DGLUCY: variants seen among roughly 807,000 people sequenced by gnomAD.
DGLUCY encodes the protein D-glutamate cyclase, also known as D-glutamate cyclase, mitochondrial.
DGLUCY carries 58 observed loss-of-function variants against 58.5 expected under a neutral mutation model. The ratio of observed to expected loss-of-function variants is 0.99; its 90% CI spans 0.80 to 1.23. The LOEUF is 1.23. DGLUCY is among the 50% of genes most tolerant of loss of function. The pLI, the probability that DGLUCY is intolerant of heterozygous loss-of-function variation, is 0.00. For missense variants in DGLUCY, 779 were observed against 784.7 expected (o/e 0.99, Z 0.09); for synonymous variants, 325 against 314.1 (o/e 1.03, Z -0.37).
chr14:91,222,662 C>T (rs910234274), intron 13 of DGLUCY, among the ~76,000 whole-genome samples: 1 of 152,234 alleles, frequency 6.6e-6, no homozygotes, highest in Admixed American at 6.5e-5. Context: ...TTTGCCAATG[C>T]TTTCTCTATT....
intron 1 of DGLUCY, among the ~76,000 whole-genome samples, chr14:91,068,507 A>G (rs2043864771): frequency 6.6e-6 from 1 of 152,148 alleles, no homozygotes; most frequent in Admixed American, 6.6e-5. Context: ...CGTCTGTACT[A>G]AAAATACAAA....
chr14:91,169,895 A>T, intron 4 of DGLUCY, 108 bp from the exon 5 acceptor site: 1 of 1,216,514 alleles, frequency 8.2e-7, no homozygotes, highest in Non-Finnish European at 1.2e-6. Flanking sequence ...AGGGCTGAAA[A>T]TTTCAGCACT....
At chr14:91,194,943 C>T (rs983590872) in intron 9 of DGLUCY, among the ~76,000 whole-genome samples, 1 of 152,210 alleles carries the variant, frequency 6.6e-6, no homozygotes, top group Non-Finnish European at 1.5e-5. Flanking sequence ...AGCTCAGGGG[C>T]AGCAGCATGG....
intron 1 of DGLUCY, among the ~76,000 whole-genome samples, chr14:91,070,001 GAATT>G (rs1038280839): frequency 1.6e-4 from 24 of 149,982 alleles, no homozygotes; most frequent in African/African-American, 5.1e-4. Context: ...AAAAAACTGG[GAATT>G]AATTTAAAGA....
intron 12 of DGLUCY, among the ~76,000 whole-genome samples, chr14:91,213,101 A>G (rs913555177): frequency 6.6e-6 from 1 of 151,762 alleles, no homozygotes; most frequent in African/African-American, 2.4e-5. Context: ...GTGCCACTGC[A>G]CTCCAGCCTA....
Position 91,192,150 on chromosome 14 carries a change from T to C in DGLUCY, c.1195+2980T>C, listed in dbSNP as rs368480878. Among the ~76,000 whole-genome samples the C allele has an allele frequency of 2.6e-5, 4 of 152,098 alleles. No homozygotes were observed. The East Asian group carries it at 7.7e-4, about 29-fold the overall frequency. ...TCAATGGATGAACAGATAGATAAAA[T>C]GTGGTATATAATTATTACTCAGCCT... On this transcript the variant is annotated intron_variant, in intron 9 of 13. Coordinates refer to ENST00000256324, the MANE Select transcript of DGLUCY (RefSeq NM_001102368.3).
intron 10 of DGLUCY, 84 bp from the exon 11 acceptor site, chr14:91,199,673 C>T (rs1045380890): frequency 1.0e-4 from 148 of 1,467,316 alleles, no homozygotes; most frequent in Non-Finnish European, 2.8e-5. Flanking sequence ...AAGCGTCTTT[C>T]GCGCAAACAC....
At chr14:91,063,744 G>A (rs956800632) in intron 1 of DGLUCY, among the ~76,000 whole-genome samples, 2 of 152,224 alleles carry the variant, frequency 1.3e-5, no homozygotes, top group African/African-American at 4.8e-5. Flanking sequence ...TCAGGAGGTG[G>A]GCAGAGGCCC....
At chr14:91,145,673 C>T (rs1021585046) in intron 1 of DGLUCY, among the ~76,000 whole-genome samples, 9 of 152,196 alleles carry the variant, frequency 5.9e-5, no homozygotes, top group Admixed American at 5.2e-4. Context: ...AGTTATTGAG[C>T]GCTTGCAACA....
chr14:91,078,482 C>T (rs1196479888), intron 1 of DGLUCY, among the ~76,000 whole-genome samples: 1 of 152,144 alleles, frequency 6.6e-6, no homozygotes, highest in Non-Finnish European at 1.5e-5. Flanking sequence ...GAATTTTCCC[C>T]TGCAGCGGGT....
At chr14:91,075,726 A>T (rs2044008622) in intron 1 of DGLUCY, among the ~76,000 whole-genome samples, 1 of 150,750 alleles carries the variant, frequency 6.6e-6, no homozygotes, top group Admixed American at 6.6e-5. Context: ...ACCACCAAAG[A>T]AGCAATCAGC....
chr14:91,201,398 A>G (rs2050550813), intron 11 of DGLUCY, among the ~76,000 whole-genome samples: 1 of 151,464 alleles, frequency 6.6e-6, no homozygotes, highest in Non-Finnish European at 1.5e-5. Flanking sequence ...TCCCAGGTTT[A>G]AGCAATTCCC....
chr14:91,138,667 G>A (rs1225872650), intron 1 of DGLUCY, among the ~76,000 whole-genome samples: 2 of 152,004 alleles, frequency 1.3e-5, no homozygotes, highest in African/African-American at 2.4e-5. Context: ...CAAGAGGGAG[G>A]GGGGAAATGT....
At chr14:91,067,856 C>T (rs966252019) in intron 1 of DGLUCY, among the ~76,000 whole-genome samples, 1 of 152,022 alleles carries the variant, frequency 6.6e-6, no homozygotes, top group Non-Finnish European at 1.5e-5. Flanking sequence ...GGCCCATTAT[C>T]AATATCTTAA....
intron 4 of DGLUCY, chr14:91,167,713 C>A (rs1484139889): frequency 2.9e-6 from 2 of 699,766 alleles, no homozygotes. Context: ...AAAACACTTG[C>A]ATTACCAACA....
intron 1 of DGLUCY, among the ~76,000 whole-genome samples, chr14:91,126,102 T>C (rs1041060691): frequency 6.6e-6 from 1 of 152,160 alleles, no homozygotes; most frequent in Non-Finnish European, 1.5e-5. Flanking sequence ...GGGACACTTT[T>C]CCAATTTGCT....
chr14:91,061,921 G>A (rs938911928), intron 1 of DGLUCY, among the ~76,000 whole-genome samples: 3 of 152,184 alleles, frequency 2.0e-5, no homozygotes, highest in Admixed American at 1.3e-4. Flanking sequence ...TAGCAGACAC[G>A]AGAATGGGAA....
intron 1 of DGLUCY, among the ~76,000 whole-genome samples, chr14:91,108,808 G>T (rs1212960189): frequency 1.3e-5 from 2 of 152,158 alleles, no homozygotes; most frequent in African/African-American, 4.8e-5. Context: ...AAAGTGCTGG[G>T]ATTACAGGCA....
At chr14:91,146,691 C>A (rs1291684704) in intron 1 of DGLUCY, among the ~76,000 whole-genome samples, 2 of 152,120 alleles carry the variant, frequency 1.3e-5, no homozygotes, top group Non-Finnish European at 2.9e-5. Context: ...AGGTCACAAA[C>A]AACAAAAACA....
Sources: gnomAD v4.1 joint callset for allele counts (sites outside exome capture counted in the v4.1 genomes callset) on GRCh38, gnomAD v4.1.1 for gene constraint, MANE v1.5 for transcripts, NCBI Gene and HGNC (gene_info 2026-07-23, HGNC 2026-07-21) for gene names.